FBXL7: variants seen among roughly 807,000 people sequenced by gnomAD.
FBXL7 encodes F-box/LRR-repeat protein 7.
Under a neutral mutation model 38.3 loss-of-function variants are expected in FBXL7, and 12 were observed. That is an observed-to-expected ratio of 0.31 (90% confidence interval 0.20 to 0.51). FBXL7 has a LOEUF of 0.51. Among genes scored for constraint, FBXL7 ranks in the 20% least tolerant of loss-of-function variants. FBXL7 has a pLI of 0.98. For missense variants in FBXL7, 567 were observed against 676.4 expected (o/e 0.84, Z 1.79); for synonymous variants, 297 against 300.9 (o/e 0.99, Z 0.13).
chr5:15,656,963 A>G (rs1373436819), intron 2 of FBXL7, among the ~76,000 whole-genome samples: 4 of 152,176 alleles, frequency 2.6e-5, no homozygotes, highest in Admixed American at 2.0e-4. Flanking sequence ...AATGGAAATG[A>G]GAAAGATCTC....
intron 2 of FBXL7, among the ~76,000 whole-genome samples, chr5:15,669,448 T>C (rs1435937053): frequency 6.6e-6 from 1 of 152,190 alleles, no homozygotes; most frequent in Non-Finnish European, 1.5e-5. Flanking sequence ...TGGCCAATGA[T>C]TGATCATGGA....
At chr5:15,762,925 G>A (rs944595878) in intron 2 of FBXL7, among the ~76,000 whole-genome samples, 1 of 152,184 alleles carries the variant, frequency 6.6e-6, no homozygotes, top group Non-Finnish European at 1.5e-5. Context: ...GTGATGTACA[G>A]TGGCTTTTGA....
intron 2 of FBXL7, among the ~76,000 whole-genome samples, chr5:15,815,908 T>C (rs942798628): frequency 5.3e-5 from 8 of 152,170 alleles, no homozygotes; most frequent in African/African-American, 1.9e-4. Context: ...AAAATATGTT[T>C]ATATGTGAAA....
At chr5:15,593,479 G>A (rs929132995) in intron 1 of FBXL7, among the ~76,000 whole-genome samples, 10 of 151,928 alleles carry the variant, frequency 6.6e-5, no homozygotes, top group African/African-American at 2.4e-5. Flanking sequence ...ATCTGAGATC[G>A]CCCCACTGCA....
At chr5:15,731,440 A>G (rs1735581089) in intron 2 of FBXL7, among the ~76,000 whole-genome samples, 1 of 152,176 alleles carries the variant, frequency 6.6e-6, no homozygotes, top group South Asian at 2.1e-4. Context: ...CAGCATGGGA[A>G]AGACCGCCCC....
chr5:15,783,748 ATAGT>A (rs1347396289), intron 2 of FBXL7, among the ~76,000 whole-genome samples: 1 of 152,156 alleles, frequency 6.6e-6, no homozygotes, highest in Non-Finnish European at 1.5e-5. Flanking sequence ...ATTCAGAGAA[ATAGT>A]TAGGGAAGTA....
chr5:15,899,073 A>G (rs1741173664), intron 2 of FBXL7, among the ~76,000 whole-genome samples: 1 of 152,032 alleles, frequency 6.6e-6, no homozygotes. Context: ...AAATATATAT[A>G]TATATTTTTT....
At chr5:15,850,070 G>A (rs1739046897) in intron 2 of FBXL7, among the ~76,000 whole-genome samples, 1 of 152,112 alleles carries the variant, frequency 6.6e-6, no homozygotes, top group African/African-American at 2.4e-5. Flanking sequence ...ATAGATTAGA[G>A]CTTAGATTGA....
intron 1 of FBXL7, among the ~76,000 whole-genome samples, chr5:15,587,873 A>G (rs185213448): frequency 1.3e-3 from 205 of 152,332 alleles, no homozygotes; most frequent in African/African-American, 4.0e-3. Context: ...ATATTTTTCT[A>G]GCTAAGGTGA....
At chr5:15,534,541 C>T (rs1053897126) in intron 1 of FBXL7, among the ~76,000 whole-genome samples, 2 of 152,058 alleles carry the variant, frequency 1.3e-5, no homozygotes, top group Non-Finnish European at 2.9e-5. Flanking sequence ...TCTGGAAGTA[C>T]CACAATTTAT....
chr5:15,516,002 G>A (rs926494275), intron 1 of FBXL7, among the ~76,000 whole-genome samples: 3 of 152,004 alleles, frequency 2.0e-5, no homozygotes, highest in Non-Finnish European at 4.4e-5. Flanking sequence ...TAGTTTCCCT[G>A]GCATAATTAA....
At chr5:15,527,490 G>A (rs555941860) in intron 1 of FBXL7, among the ~76,000 whole-genome samples, 4 of 152,042 alleles carry the variant, frequency 2.6e-5, no homozygotes, top group South Asian at 2.1e-4. Flanking sequence ...TAAAACTAAC[G>A]TGTTTTTAAA....
rs182596191 is a variant in FBXL7, at chr5:15,753,219, A to G, written c.127+137147A>G. Reference sequence around the variant, plus strand: ...ATAGTGCTTGTGACTGATGAATTCAATGAGCGCTTCAATTCTCCTACTTTG... The same window carrying G: ...ATAGTGCTTGTGACTGATGAATTCAGTGAGCGCTTCAATTCTCCTACTTTG... On this transcript the variant is annotated intron_variant, in intron 2 of 3. Transcript: ENST00000504595. 2.0e-3 allele frequency among the ~76,000 whole-genome samples: 307 copies of G among 152,234 alleles called. 1 individual carries two copies. Among genetic ancestry groups the G allele is most frequent in the African/African-American group, 7.1e-3 (293 of 41,550 alleles).
At chr5:15,526,304 A>T (rs1313134397) in intron 1 of FBXL7, among the ~76,000 whole-genome samples, 2 of 152,108 alleles carry the variant, frequency 1.3e-5, no homozygotes, top group African/African-American at 4.8e-5. Context: ...CATGGAGGAT[A>T]TGAGAAGAGT....
chr5:15,522,545 A>AAATATTCCAG (rs1737129511), intron 1 of FBXL7, among the ~76,000 whole-genome samples: 1 of 152,202 alleles, frequency 6.6e-6, no homozygotes, highest in African/African-American at 2.4e-5. Context: ...ACTGTTCAGA[A>AAATATTCCAG]AATATTCCAG....
At chr5:15,609,678 G>C (rs1420058046) in intron 1 of FBXL7, among the ~76,000 whole-genome samples, 1 of 152,158 alleles carries the variant, frequency 6.6e-6, no homozygotes, top group African/African-American at 2.4e-5. Flanking sequence ...GGTCATGTCA[G>C]TGTCACCATG....
intron 2 of FBXL7, among the ~76,000 whole-genome samples, chr5:15,768,852 C>T (rs946336463): frequency 1.3e-5 from 2 of 152,216 alleles, no homozygotes; most frequent in African/African-American, 2.4e-5. Flanking sequence ...TGGAGATATA[C>T]ATCAAAGTCT....
At chr5:15,794,840 C>T (rs558973982) in intron 2 of FBXL7, among the ~76,000 whole-genome samples, 7 of 151,838 alleles carry the variant, frequency 4.6e-5, no homozygotes, top group East Asian at 3.9e-4. Context: ...AGGGGAGAGG[C>T]GAAAAAAACA....
At chr5:15,754,066 C>A (rs1287875527) in intron 2 of FBXL7, among the ~76,000 whole-genome samples, 2 of 152,134 alleles carry the variant, frequency 1.3e-5, no homozygotes, top group East Asian at 3.8e-4. Flanking sequence ...GACCTCATTA[C>A]CATATTCAGT....
Sources: allele counts gnomAD v4.1 joint callset (sites outside exome capture counted in the v4.1 genomes callset), GRCh38; gene constraint gnomAD v4.1.1; transcripts MANE v1.5; gene names NCBI Gene and HGNC (gene_info 2026-07-23, HGNC 2026-07-21).